TMC1: variants seen among roughly 807,000 people sequenced by gnomAD.
TMC1 encodes the protein transmembrane channel-like protein 1.
In TMC1, 84 loss-of-function variants were observed where a neutral mutation model predicts 105.8. The ratio of observed to expected loss-of-function variants is 0.79; its 90% CI spans 0.67 to 0.95. The LOEUF (loss-of-function observed/expected upper bound fraction) is 0.95. Among genes scored for constraint, TMC1 ranks in the 40% least tolerant of loss-of-function variants. The probability of loss-of-function intolerance (pLI) is 0.00; values close to 1 mark genes in which losing one functional copy is unlikely to be tolerated. For missense variants in TMC1, 817 were observed against 914.1 expected, an observed-to-expected ratio of 0.89 and a Z score of 1.37; for synonymous variants, 315 against 311.5, an observed-to-expected ratio of 1.01 and a Z score of -0.12.
At chr9:72,554,969 C>T (rs192180346) in intron 1 of TMC1, among the ~76,000 whole-genome samples, 37 of 152,238 alleles carry the variant, frequency 2.4e-4, no homozygotes, top group Admixed American at 2.4e-3. Context: ...ATCTCTGCTG[C>T]CCAGGTTCAA....
At chr9:72,769,697 A>G (rs552103557) in intron 12 of TMC1, among the ~76,000 whole-genome samples, 3 of 152,334 alleles carry the variant, frequency 2.0e-5, no homozygotes, top group Middle Eastern at 3.4e-3. Context: ...GAGATAAAAT[A>G]AGGTGTTTGG....
chr9:72,592,750 T>G (rs6560297), intron 2 of TMC1, among the ~76,000 whole-genome samples: 1 of 152,034 alleles, frequency 6.6e-6, no homozygotes, highest in South Asian at 2.1e-4. Flanking sequence ...CTTACACTTA[T>G]GGAACCGTCA....
intron 12 of TMC1, among the ~76,000 whole-genome samples, chr9:72,770,022 T>C (rs1827899885): frequency 6.6e-6 from 1 of 152,096 alleles, no homozygotes; most frequent in Non-Finnish European, 1.5e-5. Context: ...CTTAACTAGA[T>C]AAATGTGAAA....
In TMC1 at chr9:72,773,790, T is replaced by A. The variant is rs1464337408; in HGVS notation, c.884+1235T>A. Reference sequence around the variant, plus strand: ...GTTTCTCATGTCTGATGACTCAGCTTTTATTCCGGTAACTGTGCAGGCTGT... The same window carrying A: ...GTTTCTCATGTCTGATGACTCAGCTATTATTCCGGTAACTGTGCAGGCTGT... On this transcript the variant is annotated intron_variant, in intron 13 of 23. Coordinates refer to ENST00000297784, the MANE Select transcript of TMC1 (RefSeq NM_138691.3). Among the ~76,000 whole-genome samples, 3 of 152,270 alleles carry A rather than the reference T, an allele frequency of 2.0e-5. No homozygotes were observed. In the East Asian group the frequency reaches 5.8e-4, roughly 29 times the overall value.
At chr9:72,812,969 G>A (rs1201000466) in intron 18 of TMC1, among the ~76,000 whole-genome samples, 1 of 152,116 alleles carries the variant, frequency 6.6e-6, no homozygotes, top group Non-Finnish European at 1.5e-5. Flanking sequence ...ACAAGCAAAG[G>A]TCCAAAAATT....
chr9:72,819,705 A>G (rs1248056106), intron 19 of TMC1, among the ~76,000 whole-genome samples: 1 of 152,198 alleles, frequency 6.6e-6, no homozygotes, highest in Non-Finnish European at 1.5e-5. Context: ...TAAATTAAAA[A>G]TGTCTCTATA....
intron 18 of TMC1, among the ~76,000 whole-genome samples, chr9:72,812,464 A>C (rs1384213026): frequency 6.6e-6 from 1 of 152,210 alleles, no homozygotes; most frequent in Non-Finnish European, 1.5e-5. Flanking sequence ...CTAGGGTTGA[A>C]GTACAAAGCC....
At chr9:72,659,281 C>T (rs905175521) in intron 5 of TMC1, among the ~76,000 whole-genome samples, 2 of 152,170 alleles carry the variant, frequency 1.3e-5, no homozygotes, top group African/African-American at 4.8e-5. Context: ...AAGAAAGCTA[C>T]AGGATCTTCT....
intron 15 of TMC1, among the ~76,000 whole-genome samples, chr9:72,790,223 C>G (rs1257281952): frequency 7.2e-5 from 11 of 151,946 alleles, no homozygotes; most frequent in Admixed American, 6.6e-5. Flanking sequence ...CAGTATAGAT[C>G]AAAAGAATTA....
chr9:72,617,217 A>G (rs1039945002), intron 3 of TMC1, among the ~76,000 whole-genome samples: 3 of 152,046 alleles, frequency 2.0e-5, no homozygotes, highest in Non-Finnish European at 4.4e-5. Flanking sequence ...GCTGGAGTGC[A>G]GGGGTGCTAT....
chr9:72,651,065 A>G (rs1287091759), intron 5 of TMC1: 3 of 147,086 alleles, frequency 2.0e-5, no homozygotes, highest in Admixed American at 6.8e-5. Context: ...TATTTTATAT[A>G]TATATATCTA....
At chr9:72,756,720 G>A (rs866183691) in intron 12 of TMC1, among the ~76,000 whole-genome samples, 6 of 152,216 alleles carry the variant, frequency 3.9e-5, no homozygotes, top group African/African-American at 1.2e-4. Flanking sequence ...TGAACAAAAG[G>A]TCTTTTGATT....
At chr9:72,528,870 A>C (rs1823449602) in intron 1 of TMC1, among the ~76,000 whole-genome samples, 1 of 152,108 alleles carries the variant, frequency 6.6e-6, no homozygotes, top group Non-Finnish European at 1.5e-5. Flanking sequence ...AGACAAATAC[A>C]GTTGACCCTC....
chr9:72,550,682 A>G (rs1823847706), intron 1 of TMC1, among the ~76,000 whole-genome samples: 1 of 138,850 alleles, frequency 7.2e-6, no homozygotes, highest in African/African-American at 2.8e-5. Context: ...AAAAAAAAGT[A>G]TGGTTGTTCC....
intron 3 of TMC1, among the ~76,000 whole-genome samples, chr9:72,619,514 G>A (rs1825203560): frequency 6.6e-6 from 1 of 152,154 alleles, no homozygotes; most frequent in South Asian, 2.1e-4. Context: ...ATGAATAAAT[G>A]GTGAAATGTG....
intron 2 of TMC1, among the ~76,000 whole-genome samples, chr9:72,594,257 T>C (rs1235427997): frequency 6.6e-6 from 1 of 152,104 alleles, no homozygotes; most frequent in East Asian, 1.9e-4. Context: ...AAACCATAAA[T>C]TCATGAAGAG....
At chr9:72,711,864 A>C (rs942273541) in intron 8 of TMC1, among the ~76,000 whole-genome samples, 10 of 152,098 alleles carry the variant, frequency 6.6e-5, no homozygotes, top group Non-Finnish European at 1.2e-4. Context: ...CCTGAATGGT[A>C]TTGCCTAGGT....
Position 72,527,351 on chromosome 9 carries a change from T to C in TMC1, c.-428+5438T>C, listed in dbSNP as rs1008538223. ...TTACCTGTCTGACCTGAAAAAAAAATGCAAATTTCTGGATTCTACCCGCCT... is the reference window on the plus strand; with the variant it reads ...TTACCTGTCTGACCTGAAAAAAAAACGCAAATTTCTGGATTCTACCCGCCT... On this transcript the variant is annotated intron_variant, in intron 1 of 23. Coordinates refer to ENST00000297784, the MANE Select transcript of TMC1 (RefSeq NM_138691.3). 3.3e-5 allele frequency among the ~76,000 whole-genome samples: 5 copies of C among 151,894 alleles called. No homozygotes were observed. The East Asian group carries it at 9.7e-4, about 29-fold the overall frequency.
At chr9:72,535,369 A>C (rs1044367324) in intron 1 of TMC1, among the ~76,000 whole-genome samples, 1 of 152,174 alleles carries the variant, frequency 6.6e-6, no homozygotes, top group African/African-American at 2.4e-5. Flanking sequence ...ATCTTCTTGA[A>C]TCCTCTTGAT....
Sources: gnomAD v4.1 joint callset for allele counts (sites outside exome capture counted in the v4.1 genomes callset) on GRCh38, gnomAD v4.1.1 for gene constraint, MANE v1.5 for transcripts, NCBI Gene and HGNC (gene_info 2026-07-23, HGNC 2026-07-21) for gene names.